The following OGG1 variants were observed in gnomAD, a reference collection of about 807,000 sequenced individuals.
The protein encoded by OGG1 is N-glycosylase/DNA lyase.
A neutral mutation model predicts 42.3 loss-of-function variants in OGG1; 35 were observed. The ratio of observed to expected loss-of-function variants is 0.83; its 90% confidence interval spans 0.63 to 1.10. The LOEUF (loss-of-function observed/expected upper bound fraction) is 1.10. Among genes scored for constraint, OGG1 ranks in the 50% least tolerant of loss-of-function variants. The probability of loss-of-function intolerance (pLI) is 0.00; values close to 1 mark genes in which losing one functional copy is unlikely to be tolerated. For synonymous variants in OGG1, 189 were observed against 179.0 expected (o/e 1.06, Z -0.44); for missense variants, 484 against 446.7 (o/e 1.08, Z -0.75).
Position 9,750,081 on chromosome 3 carries a change from G to C in OGG1, c.-206G>C, listed in dbSNP as rs2077223378. On this transcript the variant is annotated 5_prime_UTR_variant, in exon 1 of 7. Coordinates refer to ENST00000344629, the MANE Select transcript of OGG1 (RefSeq NM_002542.6). Reference sequence around the variant, plus strand: ...TACACCTCAGGAAAGCCGGAGAATTGGGGCACGAAGCGGGGCTTTGATGAC... The same window carrying C: ...TACACCTCAGGAAAGCCGGAGAATTCGGGCACGAAGCGGGGCTTTGATGAC... 1 of 644,624 alleles carries C rather than the reference G, an allele frequency of 1.6e-6. No homozygotes were observed. Among genetic ancestry groups the C allele is most frequent in the African/African-American group, 1.8e-5 (1 of 54,728 alleles). The allele number at this position is 644,624 out of a possible 1,614,324, so 39.9% of individuals were successfully genotyped here.
In OGG1 at chr3:9,762,746, A is replaced by T. The variant is rs141880006; in HGVS notation, c.1049-3063A>T. Reference sequence around the variant, plus strand: ...ACAATTCACTCGTGTTCCTTTGAGTATCTGGACTAGAATGGGAGGAGGCAG... The same window carrying T: ...ACAATTCACTCGTGTTCCTTTGAGTTTCTGGACTAGAATGGGAGGAGGCAG... On this transcript the variant is annotated intron_variant, in intron 7 of 7. Coordinates refer to the OGG1 transcript ENST00000302008. 5.9e-5 allele frequency among the ~76,000 whole-genome samples: 9 copies of T among 152,158 alleles called. No homozygotes were observed. In the East Asian group the frequency reaches 1.7e-3, roughly 29 times the overall value.
intron 4 of OGG1, among the ~76,000 whole-genome samples, chr3:9,755,759 CT>C (rs964017976): frequency 4.0e-5 from 6 of 151,186 alleles, no homozygotes; most frequent in Non-Finnish European, 8.9e-5. Flanking sequence ...TGCACCCAGC[CT>C]TTTTTTTTCT....
downstream of OGG1, chr3:9,759,112 C>T: frequency 8.0e-7 from 1 of 1,242,330 alleles, no homozygotes; most frequent in South Asian, 1.2e-5. Flanking sequence ...TCTGGCCAGG[C>T]TTAGCACTTG....
downstream of OGG1, chr3:9,758,391 A>G (rs1486419521): frequency 6.5e-6 from 1 of 154,756 alleles, no homozygotes; most frequent in Non-Finnish European, 1.4e-5. Context: ...ACCACCATCC[A>G]TTCTGTTCCC....
At position 9,787,813 on chromosome 3, in the gene OGG1, C is replaced by T. The variant is rs765569573; in HGVS notation, c.*82C>T. 4.5e-6 allele frequency: 4 copies of T among 882,436 alleles called. No homozygotes were observed. In the Admixed American group the frequency reaches 7.2e-5, roughly 16 times the overall value. 54.7% of individuals were successfully genotyped at this position (882,436 alleles called of 1,614,324 possible). Reference sequence around the variant, plus strand: ...CACAAAGGAGAGACTGACTAACTTTCTGCTGGGGAATCTGAAAGAGTGCTT... The same window carrying T: ...CACAAAGGAGAGACTGACTAACTTTTTGCTGGGGAATCTGAAAGAGTGCTT... On this transcript the variant is annotated 3_prime_UTR_variant, in exon 4 of 4. Coordinates refer to the OGG1 transcript ENST00000426518.
intron 3 of OGG1, chr3:9,785,448 G>A (rs2078585215): frequency 6.5e-7 from 1 of 1,548,236 alleles, no homozygotes; most frequent in Non-Finnish European, 8.9e-7. Context: ...AAAAATGAGT[G>A]GAAGGAAAAA....
chr3:9,781,492 T>A (rs1170644833), intron 2 of OGG1: 3 of 455,790 alleles, frequency 6.6e-6, no homozygotes, highest in Middle Eastern at 3.7e-4. Context: ...AAACTCTTGT[T>A]TTTAAACACT....
At chr3:9,784,237 A>AGACT in intron 3 of OGG1, 1 of 1,591,470 alleles carries the variant, frequency 6.3e-7, no homozygotes, top group Non-Finnish European at 8.6e-7. Flanking sequence ...CAGGCCCGTC[A>AGACT]GACTCAAGAG....
chr3:9,789,913 C>A (rs2078696230), downstream of OGG1: 1 of 1,612,848 alleles, frequency 6.2e-7, no homozygotes, highest in Non-Finnish European at 8.5e-7. Context: ...GGTCTCGACC[C>A]AGCTTCAGGA....
intron 7 of OGG1, among the ~76,000 whole-genome samples, chr3:9,762,738 CT>C (rs1421061832): frequency 2.6e-5 from 4 of 151,970 alleles, no homozygotes; most frequent in African/African-American, 9.7e-5. Flanking sequence ...ACTCGTGTTC[CT>C]TTGAGTATCT....
intron 2 of OGG1, among the ~76,000 whole-genome samples, chr3:9,772,233 T>G (rs1208931614): frequency 6.6e-6 from 1 of 152,256 alleles, no homozygotes; most frequent in East Asian, 1.9e-4. Context: ...TTAGTATTTC[T>G]ATTGAACAAG....
downstream of OGG1, among the ~76,000 whole-genome samples, chr3:9,789,063 T>C (rs1362755957): frequency 6.6e-6 from 1 of 151,912 alleles, no homozygotes; most frequent in African/African-American, 2.4e-5. Flanking sequence ...CTCAAATTCC[T>C]GAGCTCAAGC....
intron 3 of OGG1, among the ~76,000 whole-genome samples, chr3:9,785,695 G>A (rs372147170): frequency 1.1e-4 from 17 of 152,310 alleles, no homozygotes; most frequent in East Asian, 5.8e-4. Context: ...TTTGTGAAGC[G>A]TCTGCAACGC....
At chr3:9,780,657 A>T in intron 2 of OGG1, 1 of 1,181,902 alleles carries the variant, frequency 8.5e-7, no homozygotes, top group Non-Finnish European at 1.2e-6. Context: ...ATGCCTGTGG[A>T]TTGTGTCATA....
chr3:9,790,820 T>C (rs762852187), downstream of OGG1, among the ~76,000 whole-genome samples: 3 of 152,202 alleles, frequency 2.0e-5, no homozygotes, highest in Admixed American at 1.3e-4. Flanking sequence ...CAAAGTCACA[T>C]AGCTAGGAAA....
At chr3:9,789,533 T>C, downstream of OGG1, 1 of 1,614,170 alleles carries the variant, frequency 6.2e-7, no homozygotes, top group Non-Finnish European at 8.5e-7. Context: ...CCTCATCTTC[T>C]GGGGGCTTCA....
chr3:9,785,180 T>A (rs1249695979), intron 3 of OGG1: 1 of 620,702 alleles, frequency 1.6e-6, no homozygotes, highest in East Asian at 2.7e-5. Context: ...GGGTCATCAC[T>A]CACACTTGAG....
rs954453419 is a variant in OGG1 at position 9,784,284 on chromosome 3, G to C, written c.382+2684G>C. The C allele has an allele frequency of 2.0e-6, 3 of 1,527,434 alleles. No individual in the cohort carries two copies. The Admixed American group carries it at 6.1e-5, about 31-fold the overall frequency. 94.6% of individuals were successfully genotyped at this position (1,527,434 alleles called of 1,614,324 possible). On this transcript the variant is annotated intron_variant, in intron 3 of 3. Transcript: ENST00000426518. ...AAGGGCCCACCTTGGAGGTTCCCAGGGCTTCCCAAGGTCAGTGAAAACCTG... is the reference window on the plus strand; with the variant it reads ...AAGGGCCCACCTTGGAGGTTCCCAGCGCTTCCCAAGGTCAGTGAAAACCTG...
At chr3:9,764,921 T>C (rs906400607) in intron 7 of OGG1, among the ~76,000 whole-genome samples, 1 of 152,134 alleles carries the variant, frequency 6.6e-6, no homozygotes, top group Non-Finnish European at 1.5e-5. Context: ...ATCCCTGTCC[T>C]CTCTGGGTCT....
Sources: gnomAD v4.1 joint callset for allele counts (sites outside exome capture counted in the v4.1 genomes callset) on GRCh38, gnomAD v4.1.1 for gene constraint, MANE v1.5 for transcripts, NCBI Gene and HGNC (gene_info 2026-07-23, HGNC 2026-07-21) for gene names.